B4GALNT3: variants seen among roughly 807,000 people sequenced by gnomAD.
B4GALNT3 encodes beta-1,4-N-acetylgalactosaminyltransferase 3.
Under a neutral mutation model 120.2 loss-of-function variants are expected in B4GALNT3, and 86 were observed. The observed-to-expected ratio is 0.72, with a 90% CI of 0.60 to 0.86. The LOEUF (loss-of-function observed/expected upper bound fraction) is 0.86, where lower values mean the gene tolerates loss of function less well. Among genes scored for constraint, B4GALNT3 ranks in the 40% least tolerant of loss-of-function variants. The pLI is 0.00. For synonymous variants in B4GALNT3, 518 were observed against 510.4 expected (o/e 1.01, Z -0.20); for missense variants, 1,167 against 1,298.9 (o/e 0.90, Z 1.56).
chr12:511,533 ACCTTCTACCTT>A (rs1946560810), intron 1 of B4GALNT3, among the ~76,000 whole-genome samples: 1 of 72,028 alleles, frequency 1.4e-5, no homozygotes, highest in Non-Finnish European at 2.9e-5. Context: ...TCCACCTTCC[ACCTTCTACCTT>A]CCTTCCACCT....
intron 3 of B4GALNT3, among the ~76,000 whole-genome samples, chr12:537,080 C>T (rs1018881150): frequency 6.6e-6 from 1 of 152,208 alleles, no homozygotes; most frequent in African/African-American, 2.4e-5. Context: ...CTCAGCATGT[C>T]TCAAACTGAA....
rs542418327 is a variant in B4GALNT3 at position 480,007 on chromosome 12, G to A, written c.169+19462G>A. ...CGGCTCACTGCAAGCTCCACCTCCC[G>A]GGTTCACGCCATTCTCCTGCCTCAG... On this transcript the variant is annotated intron_variant, in intron 1 of 19. Transcript: ENST00000266383. Among the ~76,000 whole-genome samples, 267 of 149,884 alleles carry A rather than the reference G, an allele frequency of 1.8e-3. 1 individual carries two copies. Among genetic ancestry groups the A allele is most frequent in the Non-Finnish European group, 2.7e-3 (185 of 67,754 alleles).
At chr12:462,403 A>G (rs568535368) in intron 1 of B4GALNT3, among the ~76,000 whole-genome samples, 1 of 148,978 alleles carries the variant, frequency 6.7e-6, no homozygotes, top group East Asian at 2.0e-4. Flanking sequence ...CTAGTTTGCC[A>G]CAGTCATAAT....
chr12:541,324 A>G (rs1946912975), intron 3 of B4GALNT3, among the ~76,000 whole-genome samples: 1 of 152,236 alleles, frequency 6.6e-6, no homozygotes, highest in African/African-American at 2.4e-5. Flanking sequence ...AGAGGGTTCC[A>G]ACAGATATCT....
At chr12:507,257 A>G (rs1173386558) in intron 1 of B4GALNT3, among the ~76,000 whole-genome samples, 2 of 152,216 alleles carry the variant, frequency 1.3e-5, no homozygotes, top group Non-Finnish European at 1.5e-5. Context: ...TGTGATATAT[A>G]TGGCAACCTT....
intron 19 of B4GALNT3, 21 bp from the exon 20 acceptor site, chr12:561,322 T>C (rs369757370): frequency 9.4e-6 from 15 of 1,593,328 alleles, no homozygotes; most frequent in African/African-American, 1.3e-5. Context: ...TGTTGGCTCA[T>C]CTGTGTTTCT....
At chr12:525,959 C>T (rs934222225) in intron 1 of B4GALNT3, among the ~76,000 whole-genome samples, 2 of 152,176 alleles carry the variant, frequency 1.3e-5, no homozygotes, top group South Asian at 2.1e-4. Flanking sequence ...GAGGTTCCTG[C>T]GGCCTGAGAA....
At chr12:540,295 C>G (rs1015826455) in intron 3 of B4GALNT3, among the ~76,000 whole-genome samples, 7 of 152,180 alleles carry the variant, frequency 4.6e-5, no homozygotes, top group Admixed American at 2.6e-4. Context: ...ACCTCTCTTT[C>G]ATCTTTAAGG....
chr12:510,036 C>A (rs900653943), intron 1 of B4GALNT3, among the ~76,000 whole-genome samples: 2 of 152,198 alleles, frequency 1.3e-5, no homozygotes, highest in Non-Finnish European at 2.9e-5. Flanking sequence ...AGTCCACATT[C>A]ATTGAACTGA....
At chr12:486,163 G>A (rs549648837) in intron 1 of B4GALNT3, among the ~76,000 whole-genome samples, 81 of 152,038 alleles carry the variant, frequency 5.3e-4, no homozygotes, top group Non-Finnish European at 9.3e-4. Flanking sequence ...CTTCCAGCAG[G>A]GGGAGGGAAA....
chr12:502,387 G>C (rs1287665380), intron 1 of B4GALNT3, among the ~76,000 whole-genome samples: 1 of 152,072 alleles, frequency 6.6e-6, no homozygotes, highest in African/African-American at 2.4e-5. Flanking sequence ...CTAATTATAC[G>C]CTCTGGGGCC....
At chr12:482,854 A>G (rs139395203) in intron 1 of B4GALNT3, among the ~76,000 whole-genome samples, 63 of 152,342 alleles carry the variant, frequency 4.1e-4, no homozygotes, top group African/African-American at 5.8e-4. Context: ...CCTGGGCAAC[A>G]TAGTGAGACC....
intron 1 of B4GALNT3, among the ~76,000 whole-genome samples, chr12:478,058 T>C (rs1946200570): frequency 2.6e-5 from 4 of 152,058 alleles, no homozygotes; most frequent in Admixed American, 1.3e-4. Flanking sequence ...TAGAGCAGCC[T>C]GGGCAACATG....
rs138075137 is a variant in B4GALNT3, at chr12:559,306, G to A, written c.2773G>A (p.Val925Met). Residue 925 changes from valine to methionine, a missense_variant, in exon 19 of 20, where the codon GTG becomes ATG. Transcript: ENST00000266383. The stretch of plus-strand genomic sequence containing the variant: ...CTGTCTGTCCACAGGCTACTGGGAG[G>A]TGAATGGGTTCGGGCTGCTTGGCAT... ...TPQWPEGYWE[V>M]NGFGLLGIYK... 4.3e-6 allele frequency: 7 copies of A among 1,614,060 alleles called. No homozygotes were observed. Among genetic ancestry groups the A allele is most frequent in the Non-Finnish European group, 5.9e-6 (7 of 1,179,950 alleles).
At chr12:513,835 G>C (rs531020986) in intron 1 of B4GALNT3, among the ~76,000 whole-genome samples, 2 of 152,300 alleles carry the variant, frequency 1.3e-5, no homozygotes, top group African/African-American at 4.8e-5. Context: ...GCAGTCCTCT[G>C]ACCTCAGTTT....
chr12:510,551 A>G (rs376779436), intron 1 of B4GALNT3, among the ~76,000 whole-genome samples: 2 of 131,328 alleles, frequency 1.5e-5, no homozygotes, highest in Non-Finnish European at 1.7e-5. Flanking sequence ...TACCCGCCTC[A>G]TGCCCAAGGG....
At chr12:516,267 A>T (rs9738806) in intron 1 of B4GALNT3, among the ~76,000 whole-genome samples, 13,351 of 151,832 alleles carry the variant, frequency 0.088, 1,201 homozygotes, top group Admixed American at 0.25. Context: ...GCTATTGAGA[A>T]AAATAATACA....
intron 11 of B4GALNT3, 143 bp from the exon 12 acceptor site, chr12:551,920 C>G: frequency 1.5e-6 from 1 of 680,804 alleles, no homozygotes; most frequent in South Asian, 1.7e-5. Flanking sequence ...ATTCGGCGCT[C>G]AGAGCAACCC....
chr12:489,925 C>A (rs1163845548), intron 1 of B4GALNT3, among the ~76,000 whole-genome samples: 1 of 151,970 alleles, frequency 6.6e-6, no homozygotes, highest in African/African-American at 2.4e-5. Flanking sequence ...TCTCAGACCA[C>A]GATGGAATTA....
Sources: allele counts gnomAD v4.1 joint callset (sites outside exome capture counted in the v4.1 genomes callset), GRCh38; gene constraint gnomAD v4.1.1; transcripts MANE v1.5; gene names NCBI Gene and HGNC (gene_info 2026-07-23, HGNC 2026-07-21).